Variants in LYPLAL1 observed in about 807,000 individuals in gnomAD.
The protein encoded by LYPLAL1 is lysophospholipase-like protein 1.
In LYPLAL1, 23 loss-of-function variants were observed where a neutral mutation model predicts 19.7. The observed-to-expected ratio is 1.17, with a 90% confidence interval of 0.84 to 1.65. LYPLAL1 has a LOEUF of 1.65. LYPLAL1 is among the 40% of genes most tolerant of loss of function. The pLI is 0.00. For missense variants in LYPLAL1, 355 were observed against 279.4 expected (o/e 1.27, Z -1.93); for synonymous variants, 119 against 96.3 (o/e 1.24, Z -1.38).
the LYPLAL1 span, among the ~76,000 whole-genome samples, chr1:219,405,358 G>T: frequency 6.6e-5 from 10 of 152,274 alleles, no homozygotes; most frequent in African/African-American, 2.2e-4. Context: ...AATAATATCT[G>T]CAGACAAATG....
the LYPLAL1 span, among the ~76,000 whole-genome samples, chr1:219,400,097 A>G: frequency 1.3e-5 from 2 of 151,994 alleles, no homozygotes; most frequent in Non-Finnish European, 2.9e-5. Flanking sequence ...GTCACTGGGG[A>G]CCAGGAATGA....
the LYPLAL1 span, among the ~76,000 whole-genome samples, chr1:219,395,195 G>A: frequency 2.0e-5 from 3 of 152,164 alleles, no homozygotes; most frequent in Admixed American, 6.5e-5. Context: ...TTGAGAAATC[G>A]CCAAATTGTT....
chr1:219,251,360 C>T, the LYPLAL1 span, among the ~76,000 whole-genome samples: 1 of 151,450 alleles, frequency 6.6e-6, no homozygotes, highest in African/African-American at 2.4e-5. Context: ...TAAATATTTG[C>T]CTGTTCCTAT....
the LYPLAL1 span, among the ~76,000 whole-genome samples, chr1:219,347,374 T>C: frequency 2.0e-5 from 3 of 152,198 alleles, no homozygotes; most frequent in Admixed American, 2.0e-4. Context: ...AATTCTTTCA[T>C]TAAAAAGTAG....
At chr1:219,297,329 G>A in the LYPLAL1 span, among the ~76,000 whole-genome samples, 2 of 152,192 alleles carry the variant, frequency 1.3e-5, no homozygotes, top group African/African-American at 2.4e-5. Flanking sequence ...CAATAAGACT[G>A]ATTGAATTCT....
chr1:219,373,863 C>CAAAAAAAAAAAAAAAA, the LYPLAL1 span, among the ~76,000 whole-genome samples: 1 of 102,216 alleles, frequency 9.8e-6, no homozygotes, highest in Non-Finnish European at 2.0e-5. Context: ...ATAAAATTGT[C>CAAAAAAAAAAAAAAAA]AAAAAAAAAA....
the LYPLAL1 span, among the ~76,000 whole-genome samples, chr1:219,286,241 G>A: frequency 1.3e-5 from 2 of 152,062 alleles, no homozygotes; most frequent in Non-Finnish European, 2.9e-5. Flanking sequence ...GGGTTCCTAG[G>A]GCCATGAGAT....
At chr1:219,337,552 G>C in the LYPLAL1 span, among the ~76,000 whole-genome samples, 1 of 151,962 alleles carries the variant, frequency 6.6e-6, no homozygotes, top group Non-Finnish European at 1.5e-5. Flanking sequence ...CACTAGCTAT[G>C]GGCTGGTGTA....
chr1:219,227,573 G>A, the LYPLAL1 span, among the ~76,000 whole-genome samples: 3 of 152,098 alleles, frequency 2.0e-5, no homozygotes, highest in Admixed American at 6.5e-5. Context: ...GGAGTTTGTA[G>A]TTTAAATGGA....
the LYPLAL1 span, among the ~76,000 whole-genome samples, chr1:219,413,167 AGAGGAAGCACCCAT>A: frequency 2.5e-4 from 38 of 152,320 alleles, no homozygotes; most frequent in African/African-American, 8.9e-4. Context: ...GGTTGGGGCT[AGAGGAAGCACCCAT>A]GGGAATAATA....
chr1:219,311,948 A>G, the LYPLAL1 span, among the ~76,000 whole-genome samples: 1 of 152,310 alleles, frequency 6.6e-6, no homozygotes, highest in East Asian at 1.9e-4. Flanking sequence ...TTAAAAATAT[A>G]TATTGTGTGA....
chr1:219,196,044 G>A (rs1657573214), intron 3 of LYPLAL1, among the ~76,000 whole-genome samples: 1 of 152,120 alleles, frequency 6.6e-6, no homozygotes, highest in Non-Finnish European at 1.5e-5. Flanking sequence ...ATTCTATGGT[G>A]TACATGTACC....
At chr1:219,276,369 GA>G in the LYPLAL1 span, among the ~76,000 whole-genome samples, 26 of 145,684 alleles carry the variant, frequency 1.8e-4, no homozygotes, top group Admixed American at 4.1e-4. Flanking sequence ...GGAATTAAAG[GA>G]AAAAAAAAAC....
chr1:219,397,965 T>C, the LYPLAL1 span, among the ~76,000 whole-genome samples: 1 of 152,210 alleles, frequency 6.6e-6, no homozygotes, highest in Non-Finnish European at 1.5e-5. Flanking sequence ...CTGCCCCTTC[T>C]CTTTAGCTAC....
the LYPLAL1 span, among the ~76,000 whole-genome samples, chr1:219,251,615 C>G: frequency 6.6e-6 from 1 of 151,930 alleles, no homozygotes. Flanking sequence ...TCGGGGCTCT[C>G]TATTCTGTTT....
chr1:219,228,660 CTTTA>C, the LYPLAL1 span, among the ~76,000 whole-genome samples: 306 of 151,944 alleles, frequency 2.0e-3, 3 homozygotes, highest in Admixed American at 6.0e-3. Context: ...ATTATAAGCA[CTTTA>C]TTTATTTTAT....
At chr1:219,214,195 T>C (rs577070206), downstream of LYPLAL1, among the ~76,000 whole-genome samples, 1 of 152,162 alleles carries the variant, frequency 6.6e-6, no homozygotes, top group Non-Finnish European at 1.5e-5. Flanking sequence ...TTTTGGTATA[T>C]TGCGTTAGCT....
intron 2 of LYPLAL1, among the ~76,000 whole-genome samples, chr1:219,189,737 G>A (rs939275954): frequency 2.2e-4 from 33 of 151,640 alleles, no homozygotes; most frequent in African/African-American, 7.7e-4. Flanking sequence ...GCAAAAATCT[G>A]CCCTCCTCAT....
chr1:219,288,373 G>A, the LYPLAL1 span, among the ~76,000 whole-genome samples: 1 of 152,104 alleles, frequency 6.6e-6, no homozygotes, highest in Non-Finnish European at 1.5e-5. Context: ...AATCTGAAAA[G>A]GCCATATGAT....
Sources: gnomAD v4.1 joint callset for allele counts (sites outside exome capture counted in the v4.1 genomes callset) on GRCh38, gnomAD v4.1.1 for gene constraint, MANE v1.5 for transcripts, NCBI Gene and HGNC (gene_info 2026-07-23, HGNC 2026-07-21) for gene names.